The following GALM variants were observed in gnomAD, a reference collection of about 807,000 sequenced individuals.
GALM encodes galactose mutarotase.
In GALM, 43 loss-of-function variants were observed where a neutral mutation model predicts 37.4. That is an observed-to-expected ratio of 1.15 (90% CI 0.90 to 1.48). GALM has a LOEUF of 1.48. Ranked by LOEUF, GALM falls within the 40% of genes most tolerant of loss-of-function variation. The pLI, the probability that GALM is intolerant of heterozygous loss-of-function variation, is 0.00. For synonymous variants in GALM, 199 were observed against 170.6 expected (o/e 1.17, Z -1.30); for missense variants, 456 against 419.1 (o/e 1.09, Z -0.77).
chr2:38,672,884 C>T (rs182247142), intron 1 of GALM, among the ~76,000 whole-genome samples: 8 of 151,854 alleles, frequency 5.3e-5, no homozygotes, highest in African/African-American at 1.7e-4. Context: ...GTGGCGGGCA[C>T]CTGTAATCCC....
intron 4 of GALM, among the ~76,000 whole-genome samples, chr2:38,710,058 T>C (rs1217322514): frequency 6.6e-6 from 1 of 152,216 alleles, no homozygotes; most frequent in East Asian, 1.9e-4. Flanking sequence ...TCCCAACTTT[T>C]GCTTTTCAGA....
At chr2:38,709,463 A>G (rs1666106803) in intron 4 of GALM, among the ~76,000 whole-genome samples, 1 of 151,932 alleles carries the variant, frequency 6.6e-6, no homozygotes, top group Non-Finnish European at 1.5e-5. Flanking sequence ...TTGGTTTAGC[A>G]TTTTATGCTT....
intron 4 of GALM, among the ~76,000 whole-genome samples, chr2:38,701,834 G>A (rs1335625520): frequency 6.6e-6 from 1 of 152,102 alleles, no homozygotes; most frequent in Non-Finnish European, 1.5e-5. Flanking sequence ...GCATTTGGGT[G>A]TTAATCTTTC....
At position 38,692,396 on chromosome 2, in the gene GALM, G is replaced by A. The variant is rs188155928; in HGVS notation, c.634+2502G>A. ...CTTTCCACTGAGAACAAATCTCTAG[G>A]AGCCCAGATTTTCTCTCTTTTTTTC... On this transcript the variant is annotated intron_variant, in intron 4 of 6. Coordinates refer to ENST00000272252, the MANE Select transcript of GALM (RefSeq NM_138801.3). 1.3e-4 allele frequency among the ~76,000 whole-genome samples: 20 copies of A among 152,158 alleles called. No individual in the cohort carries two copies. In the East Asian group the frequency reaches 3.9e-3, roughly 29 times the overall value.
chr2:38,666,165 G>C lies in GALM; in HGVS notation c.4G>C (p.Ala2Pro). The change falls in exon 1 of 7, where the codon GCT (alanine) becomes CCT (proline). Residue 2 changes from alanine (A) to proline (P), a missense_variant. Ala to Pro is a conservative substitution (Grantham distance 27). Coordinates refer to ENST00000272252, the MANE Select transcript of GALM (RefSeq NM_138801.3). The stretch of plus-strand genomic sequence containing the variant: ...CTGCACACGCCAAACTTTCCCTATG[G>C]CTTCGGTGACCAGGGCCGTGTTTGG... MASVTRAVFGEL... is the reference protein window; with the variant it reads MPSVTRAVFGEL... 6.2e-7 allele frequency: 1 copy of C among 1,610,990 alleles called. No homozygotes were observed. Among genetic ancestry groups the C allele is most frequent in the Non-Finnish European group, 8.5e-7 (1 of 1,178,278 alleles).
At chr2:38,680,763 G>T (rs1412632932) in intron 2 of GALM, among the ~76,000 whole-genome samples, 1 of 151,992 alleles carries the variant, frequency 6.6e-6, no homozygotes, top group Non-Finnish European at 1.5e-5. Flanking sequence ...GGAAAATATT[G>T]TAGACACACA....
At chr2:38,711,203 A>G (rs982250019) in intron 4 of GALM, among the ~76,000 whole-genome samples, 6 of 138,378 alleles carry the variant, frequency 4.3e-5, no homozygotes, top group African/African-American at 1.6e-4. Context: ...TCTGTTGCCC[A>G]GGCTGGCATG....
At position 38,673,418 on chromosome 2, in the gene GALM, A is replaced by C. The variant is rs554875157; in HGVS notation, c.191-2494A>C. Among the ~76,000 whole-genome samples, 87 of 152,334 alleles carry C rather than the reference A, an allele frequency of 5.7e-4. 1 individual carries two copies. Among genetic ancestry groups the C allele is most frequent in the Admixed American group, 3.0e-3 (46 of 15,296 alleles). ...ATCTTTTCCATCGTAAAGTAAGCAC[A>C]GAGGAATTTAAAGAGAAGAAAAGTA... On this transcript the variant is annotated intron_variant, in intron 1 of 6. Transcript: ENST00000272252.
intron 4 of GALM, among the ~76,000 whole-genome samples, chr2:38,710,007 G>A (rs1666116379): frequency 6.6e-6 from 1 of 152,286 alleles, no homozygotes; most frequent in South Asian, 2.1e-4. Flanking sequence ...ATGGAGACCA[G>A]ACTCTAGCAC....
intron 1 of GALM, among the ~76,000 whole-genome samples, chr2:38,667,141 G>C (rs772472079): frequency 6.6e-6 from 1 of 152,158 alleles, no homozygotes; most frequent in Non-Finnish European, 1.5e-5. Context: ...AAAGGAAAAT[G>C]TACATCATGC....
chr2:38,674,222 G>C (rs1421361393), intron 1 of GALM, among the ~76,000 whole-genome samples: 1 of 141,064 alleles, frequency 7.1e-6, no homozygotes, highest in African/African-American at 2.7e-5. Flanking sequence ...AGACAGTCTC[G>C]CTCTGTCGCC....
intron 4 of GALM, among the ~76,000 whole-genome samples, chr2:38,714,706 C>T (rs1666236159): frequency 6.6e-6 from 1 of 152,184 alleles, no homozygotes; most frequent in Admixed American, 6.5e-5. Flanking sequence ...CAAATCCCCT[C>T]AATATTTGAT....
intron 4 of GALM, among the ~76,000 whole-genome samples, chr2:38,722,511 T>C (rs537701496): frequency 1.3e-5 from 2 of 152,232 alleles, no homozygotes; most frequent in East Asian, 3.9e-4. Context: ...TACACACCCA[T>C]CTGGCCTCCA....
chr2:38,732,271 G>A (rs1666624426), intron 6 of GALM, among the ~76,000 whole-genome samples: 1 of 152,124 alleles, frequency 6.6e-6, no homozygotes, highest in Non-Finnish European at 1.5e-5. Context: ...TGGCCAGGCT[G>A]GTCTCAAAAC....
In GALM at chr2:38,686,243, T is replaced by TTCTTCCTTTCTTCCTTTCTTC. The variant is rs1558582058; in HGVS notation, c.553-3570_553-3569insTCTTCCTTTCTTCCTTTCTTC. Among the ~76,000 whole-genome samples, 26 of 96,990 alleles carry TTCTTCCTTTCTTCCTTTCTTC rather than the reference T, an allele frequency of 2.7e-4. 1 individual carries two copies. The highest frequency in any genetic ancestry group is 1.3e-3 in the African/African-American group (23 of 17,794). 63.6% of individuals were successfully genotyped at this position (96,990 alleles called of 152,430 possible). A position where few individuals can be genotyped will look rare whatever the true frequency, so the allele number is the denominator to read the frequency against. On this transcript the variant is annotated intron_variant, in intron 3 of 6. Coordinates refer to ENST00000272252, the MANE Select transcript of GALM (RefSeq NM_138801.3). ...AAATTTCTTTCTTTCTTTCTTTCTT[T>TTCTTCCTTTCTTCCTTTCTTC]CTTTCTTTCTTTCTTTCTTTCTTTC...
In GALM at chr2:38,676,071, G is replaced by A; in HGVS notation, c.345+5G>A. On this transcript the variant is annotated splice_donor_5th_base_variant and intron_variant, in intron 2 of 6. Coordinates refer to ENST00000272252, the MANE Select transcript of GALM (RefSeq NM_138801.3). ...GGAGTCAGAGGGTTTGATAAAGTAA[G>A]TACGGCACATGTGACTGAGTTCCCT... 1 of 1,613,832 alleles carries A rather than the reference G, an allele frequency of 6.2e-7. No homozygotes were observed.
chr2:38,674,833 T>G (rs1482473187), intron 1 of GALM, among the ~76,000 whole-genome samples: 2 of 152,098 alleles, frequency 1.3e-5, no homozygotes, highest in Admixed American at 6.6e-5. Flanking sequence ...TTACTCAGAG[T>G]CAACTTTGGA....
At chr2:38,689,524 C>T (rs1264471551) in intron 3 of GALM, among the ~76,000 whole-genome samples, 1 of 152,182 alleles carries the variant, frequency 6.6e-6, no homozygotes, top group African/African-American at 2.4e-5. Flanking sequence ...ACTAATAAGC[C>T]AAGGTCCAAA....
chr2:38,685,332 G>C (rs561519403), intron 3 of GALM, among the ~76,000 whole-genome samples: 25 of 152,324 alleles, frequency 1.6e-4, no homozygotes, highest in African/African-American at 5.8e-4. Context: ...GTTTCTGCCT[G>C]GGGGCACAGA....
Sources: gnomAD v4.1 joint callset for allele counts (sites outside exome capture counted in the v4.1 genomes callset) on GRCh38, gnomAD v4.1.1 for gene constraint, MANE v1.5 for transcripts, NCBI Gene and HGNC (gene_info 2026-07-23, HGNC 2026-07-21) for gene names.